The following MDGA2 variants were observed in gnomAD, a reference collection of about 807,000 sequenced individuals.
MDGA2 encodes the protein MAM domain containing glycosylphosphatidylinositol anchor 2, also known as MAM domain-containing glycosylphosphatidylinositol anchor protein 2.
A neutral mutation model predicts 117.8 loss-of-function variants in MDGA2; 40 were observed. That is an observed-to-expected ratio of 0.34 (90% CI 0.26 to 0.44). The LOEUF (loss-of-function observed/expected upper bound fraction) is 0.44, where lower values mean the gene tolerates loss of function less well. Among genes scored for constraint, MDGA2 ranks in the 20% least tolerant of loss-of-function variants. The pLI, the probability that MDGA2 is intolerant of heterozygous loss-of-function variation, is 1.00. For synonymous variants in MDGA2, 452 were observed against 439.0 expected (o/e 1.03, Z -0.37); for missense variants, 1,123 against 1,250.6 (o/e 0.90, Z 1.54).
chr14:47,239,859 A>G (rs573171269), intron 2 of MDGA2, among the ~76,000 whole-genome samples: 86 of 151,828 alleles, frequency 5.7e-4, no homozygotes, highest in African/African-American at 1.8e-3. Flanking sequence ...TCAAAATTTT[A>G]TATCTTTTTT....
intron 11 of MDGA2, among the ~76,000 whole-genome samples, chr14:46,880,321 T>C (rs1346018445): frequency 6.6e-6 from 1 of 151,732 alleles, no homozygotes; most frequent in African/African-American, 2.4e-5. Context: ...TGAGACTCCA[T>C]CTCAAAAATA....
intron 2 of MDGA2, among the ~76,000 whole-genome samples, chr14:47,261,811 A>C (rs1019707660): frequency 2.6e-5 from 4 of 152,152 alleles, no homozygotes; most frequent in Non-Finnish European, 5.9e-5. Context: ...TGTGATGGAG[A>C]TAAATGAGTG....
At chr14:47,547,732 T>A (rs2138769868) in intron 1 of MDGA2, among the ~76,000 whole-genome samples, 1 of 152,338 alleles carries the variant, frequency 6.6e-6, no homozygotes, top group East Asian at 1.9e-4. Flanking sequence ...GGATTTAAAA[T>A]CTGGCTCTGT....
chr14:47,452,998 T>C (rs895951920), intron 1 of MDGA2, among the ~76,000 whole-genome samples: 8 of 152,118 alleles, frequency 5.3e-5, no homozygotes, highest in Non-Finnish European at 1.2e-4. Flanking sequence ...AGTTTTATTA[T>C]ATTATGTCAC....
chr14:47,481,165 C>T (rs1893947205), intron 1 of MDGA2, among the ~76,000 whole-genome samples: 1 of 151,938 alleles, frequency 6.6e-6, no homozygotes, highest in Non-Finnish European at 1.5e-5. Context: ...AGCCTTATTC[C>T]TCCTACTCTT....
chr14:47,465,025 T>G (rs996013307), intron 1 of MDGA2, among the ~76,000 whole-genome samples: 1 of 151,994 alleles, frequency 6.6e-6, no homozygotes, highest in Non-Finnish European at 1.5e-5. Flanking sequence ...TGGAACAGAA[T>G]AGAGAGCCCA....
chr14:47,074,303 CT>C (rs35598400), intron 6 of MDGA2, among the ~76,000 whole-genome samples: 230 of 144,814 alleles, frequency 1.6e-3, no homozygotes, highest in East Asian at 1.6e-3. Context: ...AGTAACAGAA[CT>C]TTTTTTTTTT....
At chr14:47,099,291 T>G (rs2138989216) in intron 5 of MDGA2, among the ~76,000 whole-genome samples, 1 of 152,102 alleles carries the variant, frequency 6.6e-6, no homozygotes, top group Admixed American at 6.6e-5. Context: ...TATCAGCTTT[T>G]TAAAACTATA....
At chr14:47,427,221 G>A (rs1453989364) in intron 1 of MDGA2, among the ~76,000 whole-genome samples, 1 of 152,120 alleles carries the variant, frequency 6.6e-6, no homozygotes, top group Non-Finnish European at 1.5e-5. Flanking sequence ...TGTGTCGTCT[G>A]AGGCAAAAAG....
intron 2 of MDGA2, among the ~76,000 whole-genome samples, chr14:47,291,458 T>TA (rs756117142): frequency 3.3e-5 from 5 of 152,038 alleles, no homozygotes; most frequent in African/African-American, 4.8e-5. Context: ...CTCCTTAACT[T>TA]ATAATGGGGT....
chr14:46,888,653 A>AG (rs1882760768), intron 10 of MDGA2, among the ~76,000 whole-genome samples: 1 of 151,874 alleles, frequency 6.6e-6, no homozygotes, highest in Non-Finnish European at 1.5e-5. Context: ...CTAACTTAAA[A>AG]GCAGAAGGCT....
intron 1 of MDGA2, among the ~76,000 whole-genome samples, chr14:47,589,313 G>A (rs1896392158): frequency 6.6e-6 from 1 of 151,910 alleles, no homozygotes; most frequent in Non-Finnish European, 1.5e-5. Flanking sequence ...TATAGTTTTA[G>A]TTCTTACATT....
At chr14:47,163,964 T>C (rs1228779581) in intron 3 of MDGA2, among the ~76,000 whole-genome samples, 1 of 152,152 alleles carries the variant, frequency 6.6e-6, no homozygotes, top group African/African-American at 2.4e-5. Context: ...CGTGGAGGGA[T>C]TGAGGGCTGT....
chr14:47,354,810 T>C (rs754591594), intron 1 of MDGA2, among the ~76,000 whole-genome samples: 12 of 152,098 alleles, frequency 7.9e-5, no homozygotes, highest in Non-Finnish European at 1.3e-4. Flanking sequence ...TCACTGGTAA[T>C]CTAGATCTGG....
chr14:47,586,491 A>T (rs1896327427), intron 1 of MDGA2, among the ~76,000 whole-genome samples: 1 of 152,008 alleles, frequency 6.6e-6, no homozygotes, highest in South Asian at 2.1e-4. Flanking sequence ...AATGCAAGTC[A>T]GCCAACATGA....
At chr14:47,632,013 G>A (rs1282685704) in intron 1 of MDGA2, among the ~76,000 whole-genome samples, 4 of 151,122 alleles carry the variant, frequency 2.6e-5, no homozygotes, top group Non-Finnish European at 5.9e-5. Context: ...TTCTTCCAAT[G>A]TGTCCCAGGT....
rs1594802470 is a variant in MDGA2, at chr14:47,334,724, T to C, written c.281-33174A>G. 4.6e-5 allele frequency among the ~76,000 whole-genome samples: 7 copies of C among 152,038 alleles called. 1 individual carries two copies. The Middle Eastern group carries it at 0.02, about 443-fold the overall frequency. ...TTATTGATATCTCTCTGGCCAGATT[T>C]TCAGTATTGTAAAGATGCAGGCTGT... On this transcript the variant is annotated intron_variant, in intron 1 of 16. Transcript: ENST00000399232.
chr14:47,471,887 T>C (rs1893735450), intron 1 of MDGA2, among the ~76,000 whole-genome samples: 1 of 152,150 alleles, frequency 6.6e-6, no homozygotes, highest in Admixed American at 6.6e-5. Context: ...CAAATAACTT[T>C]AAGCTTGTTA....
chr14:47,192,141 G>A (rs1337688655), intron 3 of MDGA2, among the ~76,000 whole-genome samples: 1 of 152,216 alleles, frequency 6.6e-6, no homozygotes, highest in Admixed American at 6.5e-5. Flanking sequence ...AGATAAGTGT[G>A]AGATGGACTA....
Sources: gnomAD v4.1 joint callset for allele counts (sites outside exome capture counted in the v4.1 genomes callset) on GRCh38, gnomAD v4.1.1 for gene constraint, MANE v1.5 for transcripts, NCBI Gene and HGNC (gene_info 2026-07-23, HGNC 2026-07-21) for gene names.